The following NEMP2 variants were observed in gnomAD, a reference collection of about 807,000 sequenced individuals.
The protein encoded by NEMP2 is UPF0571 transmembrane protein.
Under a neutral mutation model 54.2 loss-of-function variants are expected in NEMP2, and 53 were observed. That is an observed-to-expected ratio of 0.98 (90% confidence interval 0.78 to 1.23). The LOEUF (loss-of-function observed/expected upper bound fraction) is 1.23, where lower values mean the gene tolerates loss of function less well. Among genes scored for constraint, NEMP2 ranks in the 50% most tolerant of loss-of-function variants. The pLI, the probability that NEMP2 is intolerant of heterozygous loss-of-function variation, is 0.00. For synonymous variants in NEMP2, 197 were observed against 190.3 expected, an observed-to-expected ratio of 1.04 and a Z score of -0.29; for missense variants, 455 against 511.3, an observed-to-expected ratio of 0.89 and a Z score of 1.06.
upstream of NEMP2, among the ~76,000 whole-genome samples, chr2:190,539,342 G>A (rs146446772): frequency 4.4e-3 from 669 of 152,202 alleles, 2 homozygotes; most frequent in African/African-American, 0.015. This position sits in a 1 kb window ranked among gnomAD's most constrained non-coding sequence, Gnocchi z 4.1. Context: ...TTCTGTTTTG[G>A]TTACTATAGC....
At chr2:190,534,405 G>A in intron 1 of NEMP2, 154 bp downstream of exon 1, 1 of 1,212,690 alleles carries the variant, frequency 8.2e-7, no homozygotes, top group Non-Finnish European at 1.0e-6. Flanking sequence ...AGGGCGGGCG[G>A]GGCCTGCCCG....
chr2:190,592,120 A>G, the NEMP2 span, among the ~76,000 whole-genome samples: 1 of 152,130 alleles, frequency 6.6e-6, no homozygotes, highest in South Asian at 2.1e-4. This position sits in a 1 kb window ranked among gnomAD's most constrained non-coding sequence, Gnocchi z 4.4. Context: ...CCCCTCCCCC[A>G]GAGGTGCAGG....
the NEMP2 span, among the ~76,000 whole-genome samples, chr2:190,445,872 T>C: frequency 3.9e-5 from 6 of 152,136 alleles, no homozygotes; most frequent in South Asian, 8.3e-4. Context: ...TTTTTTTTCC[T>C]TTATCTTTAA....
the NEMP2 span, among the ~76,000 whole-genome samples, chr2:190,584,212 G>C: frequency 1.3e-5 from 2 of 152,184 alleles, no homozygotes; most frequent in Non-Finnish European, 2.9e-5. The surrounding 1 kb of genome is among the most constrained non-coding windows in gnomAD (Gnocchi z 4.2). Context: ...CAAAGAGGTA[G>C]GGTGGCAAAT....
chr2:190,618,077 G>A, the NEMP2 span, among the ~76,000 whole-genome samples: 1 of 152,190 alleles, frequency 6.6e-6, no homozygotes, highest in East Asian at 1.9e-4. Context: ...ACCTCTGAAC[G>A]TATTCTATCT....
At chr2:190,470,969 G>T in the NEMP2 span, among the ~76,000 whole-genome samples, 2 of 152,184 alleles carry the variant, frequency 1.3e-5, no homozygotes, top group African/African-American at 4.8e-5. Context: ...AGTAAAAGGA[G>T]ATTCTGTTTA....
chr2:190,444,833 TA>T, the NEMP2 span: 4 of 756,424 alleles, frequency 5.3e-6, no homozygotes, highest in Non-Finnish European at 4.8e-6. Flanking sequence ...TTCATAAAGA[TA>T]ATGTTTTGTG....
At chr2:190,553,696 A>T in the NEMP2 span, among the ~76,000 whole-genome samples, 1 of 152,170 alleles carries the variant, frequency 6.6e-6, no homozygotes, top group Admixed American at 6.5e-5. Context: ...TTGATTCATG[A>T]TAGGTGTGAG....
At chr2:190,434,769 T>C in the NEMP2 span, among the ~76,000 whole-genome samples, 1 of 152,170 alleles carries the variant, frequency 6.6e-6, no homozygotes, top group Admixed American at 6.5e-5. The surrounding 1 kb of genome is among the most constrained non-coding windows in gnomAD (Gnocchi z 4.3). Context: ...TGGCATCTTA[T>C]CTAAAATGTG....
chr2:190,494,829 C>T, the NEMP2 span, among the ~76,000 whole-genome samples: 2,810 of 152,066 alleles, frequency 0.018, 110 homozygotes, highest in African/African-American at 0.064. The surrounding 1 kb of genome is among the most constrained non-coding windows in gnomAD (Gnocchi z 5.7). Context: ...TTAGCAAAAT[C>T]AGCATACAAG....
upstream of NEMP2, among the ~76,000 whole-genome samples, chr2:190,537,679 G>A (rs561366813): frequency 2.6e-5 from 4 of 152,286 alleles, no homozygotes; most frequent in African/African-American, 9.6e-5. Context: ...TTAAGAGGAA[G>A]CAGAGCATGA....
At chr2:190,503,848 CA>C (rs1420697996), downstream of NEMP2, among the ~76,000 whole-genome samples, 10 of 152,158 alleles carry the variant, frequency 6.6e-5, no homozygotes, top group Non-Finnish European at 1.5e-4. This position sits in a 1 kb window ranked among gnomAD's most constrained non-coding sequence, Gnocchi z 6.3. Flanking sequence ...AAGTAATTTA[CA>C]CTATGCCAGG....
chr2:190,639,152 T>C, the NEMP2 span, among the ~76,000 whole-genome samples: 2 of 152,178 alleles, frequency 1.3e-5, no homozygotes, highest in Non-Finnish European at 2.9e-5. Flanking sequence ...TATAAATATA[T>C]ATAAAATCAA....
the NEMP2 span, among the ~76,000 whole-genome samples, chr2:190,636,027 GGTTAA>G: frequency 6.6e-6 from 1 of 152,090 alleles, no homozygotes; most frequent in Non-Finnish European, 1.5e-5. Context: ...CATCATGCCT[GGTTAA>G]GTTTTTATTT....
chr2:190,534,629 C>T lies in NEMP2; in HGVS notation c.27G>A (p.Trp9Ter), dbSNP rs1434651758. ...CCAGGGGCGGCAGCCAGAGCAGCAGCCACCACCGCCCTTGGCGCGGCCCCA... is the reference window on the plus strand; with the variant it reads ...CCAGGGGCGGCAGCCAGAGCAGCAGTCACCACCGCCCTTGGCGCGGCCCCA... MGPRQGRW[W>*]LLLWLPPLAT... Residue 9 changes from tryptophan to a stop codon, truncating the protein, a stop_gained, in exon 1 of 9, where the codon TGG becomes TGA. Coordinates refer to ENST00000409150, the MANE Select transcript of NEMP2 (RefSeq NM_001142645.2). LOFTEE classifies it high-confidence loss of function. The T allele has an allele frequency of 3.0e-6, 4 of 1,354,090 alleles. No individual in the cohort carries two copies. Among genetic ancestry groups the T allele is most frequent in the Non-Finnish European group, 3.8e-6 (4 of 1,057,632 alleles). The allele number at this position is 1,354,090 out of a possible 1,614,324, so 83.9% of individuals were successfully genotyped here.
In NEMP2 at chr2:190,514,389, C is replaced by G; in HGVS notation, c.953+64G>C. On this transcript the variant is annotated intron_variant, in intron 7 of 8. Coordinates refer to ENST00000409150, the MANE Select transcript of NEMP2 (RefSeq NM_001142645.2). This position sits in a 1 kb window ranked among gnomAD's most constrained non-coding sequence, Gnocchi z 5.7. ...GATTAACATGATGTGTGCAAACACTCTCCCAAATAATAAAACTAGAGCTCA... is the reference window on the plus strand; with the variant it reads ...GATTAACATGATGTGTGCAAACACTGTCCCAAATAATAAAACTAGAGCTCA... 4 of 1,372,744 alleles carry G rather than the reference C, an allele frequency of 2.9e-6. No individual in the cohort carries two copies. The highest frequency in any genetic ancestry group is 4.1e-6 in the Non-Finnish European group (4 of 987,254). 85.0% of individuals were successfully genotyped at this position (1,372,744 alleles called of 1,614,324 possible).
chr2:190,524,277 T>C (rs1158582908), intron 2 of NEMP2, among the ~76,000 whole-genome samples: 1 of 152,044 alleles, frequency 6.6e-6, no homozygotes. Flanking sequence ...TGATTATTGA[T>C]TCAGTAAAGC....
In NEMP2 at chr2:190,520,428, T is replaced by G. The variant is rs151110249; in HGVS notation, c.214-1245A>C. On this transcript the variant is annotated intron_variant, in intron 2 of 8. Transcript: ENST00000409150. The surrounding 1 kb of genome is among the most constrained non-coding windows in gnomAD (Gnocchi z 5.4). ...CTGCCTTTGTCTGTCCTTTTCTCTA[T>G]TCCTCTTCTTTTTCTAAGAGTAGGG... Among the ~76,000 whole-genome samples, 876 of 152,246 alleles carry G rather than the reference T, an allele frequency of 5.8e-3. 13 individuals are homozygous for G. Among genetic ancestry groups the G allele is most frequent in the African/African-American group, 0.02 (849 of 41,544 alleles).
At chr2:190,570,734 T>C in the NEMP2 span, among the ~76,000 whole-genome samples, 1 of 152,312 alleles carries the variant, frequency 6.6e-6, no homozygotes, top group East Asian at 1.9e-4. This position sits in a 1 kb window ranked among gnomAD's most constrained non-coding sequence, Gnocchi z 5.4. Context: ...ATGCAAAATG[T>C]GTTCTTTTAG....
Sources: gnomAD v4.1 joint callset for allele counts (sites outside exome capture counted in the v4.1 genomes callset) on GRCh38, gnomAD v4.1.1 for gene constraint, Gnocchi (gnomAD v3.1) non-coding constraint, MANE v1.5 for transcripts, NCBI Gene and HGNC (gene_info 2026-07-23, HGNC 2026-07-21) for gene names.